The following ZNF850 variants were observed in gnomAD, a reference collection of about 807,000 sequenced individuals.
ZNF850 encodes putative zinc finger protein ENSP00000330994.
In ZNF850, 2 loss-of-function variants were observed where a neutral mutation model predicts 11.9. The ratio of observed to expected loss-of-function variants is 0.17; its 90% CI spans 0.07 to 0.53. ZNF850 has a LOEUF of 0.53. Among genes scored for constraint, ZNF850 ranks in the 20% least tolerant of loss-of-function variants. The pLI, the probability that ZNF850 is intolerant of heterozygous loss-of-function variation, is 0.94. For missense variants in ZNF850, 1,014 were observed against 1,316.4 expected (o/e 0.77, Z 3.55); for synonymous variants, 381 against 443.0 (o/e 0.86, Z 1.76).
At chr19:36,758,911 A>C (rs1047209342) in intron 4 of ZNF850, among the ~76,000 whole-genome samples, 1 of 88,214 alleles carries the variant, frequency 1.1e-5, no homozygotes. Context: ...ACCCCATCTC[A>C]ACTAAAAATA....
chr19:36,754,041 T>C (rs568011862), intron 4 of ZNF850, among the ~76,000 whole-genome samples: 4 of 151,854 alleles, frequency 2.6e-5, no homozygotes, highest in Non-Finnish European at 5.9e-5. Context: ...AGGTGGATTG[T>C]GCCTGTATTT....
intron 4 of ZNF850, among the ~76,000 whole-genome samples, chr19:36,759,903 A>G (rs1302932073): frequency 2.0e-5 from 3 of 152,098 alleles, no homozygotes; most frequent in Non-Finnish European, 2.9e-5. Context: ...TTACAGCCCA[A>G]TTTTTGTCCA....
At chr19:36,768,538 C>T (rs2040561851) in intron 1 of ZNF850, among the ~76,000 whole-genome samples, 1 of 152,066 alleles carries the variant, frequency 6.6e-6, no homozygotes, top group African/African-American at 2.4e-5. Flanking sequence ...TTCAAATTTC[C>T]CTATCTATGA....
Position 36,760,720 on chromosome 19 carries a change from CCAGTTGT to C in ZNF850, c.235+916_235+922del, listed in dbSNP as rs538224898. ...TCTCTACTGAAAATACAAAAAGTAG[CCAGTTGT>C]GGTGGTACATGCCTGTAGTCCCAGC... On this transcript the variant is annotated intron_variant, in intron 4 of 4. Coordinates refer to ENST00000591344, the MANE Select transcript of ZNF850 (RefSeq NM_001193552.2). Among the ~76,000 whole-genome samples, 28 of 151,850 alleles carry C rather than the reference CCAGTTGT, an allele frequency of 1.8e-4. No individual in the cohort carries two copies. In the South Asian group the frequency reaches 2.3e-3, roughly 12 times the overall value.
At chr19:36,752,338 A>T (rs971336830) in intron 4 of ZNF850, among the ~76,000 whole-genome samples, 6 of 152,140 alleles carry the variant, frequency 3.9e-5, no homozygotes, top group African/African-American at 1.4e-4. Context: ...CATATTAGAA[A>T]AGCAAAGAAG....
At chr19:36,764,728 T>A (rs1006315002) in intron 1 of ZNF850, among the ~76,000 whole-genome samples, 1 of 74,988 alleles carries the variant, frequency 1.3e-5, no homozygotes, top group Admixed American at 1.3e-4. Context: ...CCTTTCCCTT[T>A]TTTTTTTTTT....
intron 1 of ZNF850, among the ~76,000 whole-genome samples, chr19:36,771,496 T>TGAAGTGAAAGTTTGGCCCGGGACCAATC (rs2040583343): frequency 1.4e-3 from 36 of 25,076 alleles, no homozygotes; most frequent in Non-Finnish European, 1.9e-3. Context: ...CGGGACCAAT[T>TGAAGTGAAAGTTTGGCCCGGGACCAATC]AGGGGCTGAA....
intron 1 of ZNF850, among the ~76,000 whole-genome samples, chr19:36,764,211 T>C (rs1262203491): frequency 6.6e-6 from 1 of 152,112 alleles, no homozygotes; most frequent in Non-Finnish European, 1.5e-5. Flanking sequence ...TGCCACTGCA[T>C]TCCAGCCTGT....
rs1051673730 is a variant in ZNF850, at chr19:36,748,106, G to A, written c.2934C>T (p.Asp978=). The change falls in exon 5 of 5, where the codon GAC becomes GAT. Residue 978 remains aspartate (D), a synonymous_variant. Transcript: ENST00000591344. The stretch of plus-strand genomic sequence containing the variant: ...CACATTCTTTACATTCATAAGGTCT[G>A]TCACCGGTATGAATTCTCTGATGTA... The part of the protein sequence containing the change: ...LTLHQRIHTG[D]RPYECKECGK... 4.5e-6 allele frequency: 7 copies of A among 1,548,772 alleles called. No individual in the cohort carries two copies. The African/African-American group carries it at 9.7e-5, about 21-fold the overall frequency.
chr19:36,761,592 G>T, intron 4 of ZNF850, 51 bp downstream of exon 4: 3 of 1,078,304 alleles, frequency 2.8e-6, no homozygotes, highest in Non-Finnish European at 4.1e-6. Flanking sequence ...CTCCCTGACA[G>T]GCTGGCTTCT....
intron 1 of ZNF850, among the ~76,000 whole-genome samples, chr19:36,764,701 G>A (rs1328202710): frequency 2.0e-5 from 3 of 148,250 alleles, no homozygotes; most frequent in African/African-American, 7.4e-5. Context: ...CTAACAAGCT[G>A]TGATTTTCTT....
At position 36,748,690 on chromosome 19, in the gene ZNF850, G is replaced by C. The variant is rs1428922237; in HGVS notation, c.2350C>G (p.Leu784Val). The C allele has an allele frequency of 6.5e-7, 1 of 1,538,206 alleles. No homozygotes were observed. The change falls in exon 5 of 5, where the codon CTC becomes GTC. Residue 784 changes from leucine to valine, a missense_variant. Physicochemically the swap from Leu to Val is conservative, Grantham distance 32. This residue lies in a region of ZNF850 where 835 missense variants were observed against 1,022.0 expected (regional missense o/e 0.82). Coordinates refer to ENST00000591344, the MANE Select transcript of ZNF850 (RefSeq NM_001193552.2). ...TTCCCACATTCCTTACAATCATAGAGCTTCTCACCAGTGTGTATTTGCTGA... is the reference window on the plus strand; with the variant it reads ...TTCCCACATTCCTTACAATCATAGACCTTCTCACCAGTGTGTATTTGCTGA... ...QHQQIHTGEK[L>V]YDCKECGKSF...
rs567943938 is a variant in ZNF850 at position 36,749,393 on chromosome 19, A to T, written c.1647T>A (p.Ile549=). The change falls in exon 5 of 5, where the codon ATT becomes ATA. Residue 549 remains isoleucine, a synonymous_variant. Transcript: ENST00000591344. Reference sequence around the variant, plus strand: ...CACCAGTGTGAACTGCCTGATGTCCAATTAGCCCTGAGCGAAAAGTAAAAG... The same window carrying T: ...CACCAGTGTGAACTGCCTGATGTCCTATTAGCCCTGAGCGAAAAGTAAAAG... ...GKSFTFRSGL[I]GHQAVHTGEK... is the part of the protein sequence containing the mutation. The T allele has an allele frequency of 2.6e-5, 41 of 1,549,364 alleles. No homozygotes were observed. The highest frequency in any genetic ancestry group is 1.7e-4 in the Middle Eastern group (1 of 6,004).
intron 1 of ZNF850, among the ~76,000 whole-genome samples, chr19:36,767,673 G>A (rs1403271516): frequency 1.3e-5 from 2 of 152,122 alleles, no homozygotes. Flanking sequence ...AGATTACAGT[G>A]AGCTGAGATC....
Position 36,747,683 on chromosome 19 carries a change from A to G in ZNF850, c.*84T>C, listed in dbSNP as rs2040420655. 7.8e-7 allele frequency: 1 copy of G among 1,289,434 alleles called. No homozygotes were observed. The highest frequency in any genetic ancestry group is 2.9e-5 in the Admixed American group (1 of 34,656). 79.9% of individuals were successfully genotyped at this position (1,289,434 alleles called of 1,614,324 possible). A position where few individuals can be genotyped will look rare whatever the true frequency, so the allele number is the denominator to read the frequency against. ...ATTCTGGAAAAAGTGAATATGAAGT[A>G]ATACACATCCATTGTATTTGACCCA... On this transcript the variant is annotated 3_prime_UTR_variant, in exon 5 of 5. Transcript: ENST00000591344.
At position 36,749,827 on chromosome 19, in the gene ZNF850, G is replaced by C; in HGVS notation, c.1213C>G (p.Arg405Gly). 2 of 1,562,384 alleles carry C rather than the reference G, an allele frequency of 1.3e-6. No homozygotes were observed. Among genetic ancestry groups the C allele is most frequent in the Non-Finnish European group, 1.7e-6 (2 of 1,158,234 alleles). ...CKECGKSFTF[R>G]SGLIGHQAIH... ...GCCTGGTGTCCAATTAACCCTGAGC[G>C]AAAAGTAAAAGATTTCCCACATTCC... The change falls in exon 5 of 5, where the codon CGC becomes GGC. Residue 405 changes from arginine (R) to glycine (G), a missense_variant. Arg to Gly is a moderately radical substitution (Grantham distance 125, BLOSUM62 -2). This residue lies in a region of ZNF850 where 835 missense variants were observed against 1,022.0 expected (regional missense o/e 0.82). Coordinates refer to ENST00000591344, the MANE Select transcript of ZNF850 (RefSeq NM_001193552.2).
chr19:36,752,920 T>C (rs1264946466), intron 4 of ZNF850, among the ~76,000 whole-genome samples: 1 of 152,150 alleles, frequency 6.6e-6, no homozygotes, highest in Non-Finnish European at 1.5e-5. Flanking sequence ...TCAGAAGTGA[T>C]GAGGTTTTCT....
intron 1 of ZNF850, among the ~76,000 whole-genome samples, chr19:36,767,952 C>T (rs2040558322): frequency 6.6e-6 from 1 of 152,162 alleles, no homozygotes; most frequent in African/African-American, 2.4e-5. Context: ...TACACTGAGA[C>T]ACTTCTGCTA....
Position 36,748,157 on chromosome 19 carries a change from G to A in ZNF850, c.2883C>T (p.Ser961=), listed in dbSNP as rs2040424733. The part of the protein sequence containing the change: ...KPYECKTCGK[S]FRQRTHLTLH... ...GAGTAAGGTGTGTACGCTGTCTGAA[G>A]GACTTCCCACATGTCTTACATTCAT... The change falls in exon 5 of 5, where the codon TCC becomes TCT. Residue 961 remains serine (S), a synonymous_variant. Transcript: ENST00000591344. The A allele has an allele frequency of 6.4e-7, 1 of 1,551,772 alleles. No individual in the cohort carries two copies. Among genetic ancestry groups the A allele is most frequent in the African/African-American group, 1.4e-5 (1 of 73,048 alleles).
Sources: allele counts gnomAD v4.1 joint callset (sites outside exome capture counted in the v4.1 genomes callset), GRCh38; gene constraint gnomAD v4.1.1; regional missense constraint gnomAD v4.1.1; transcripts MANE v1.5; gene names NCBI Gene and HGNC (gene_info 2026-07-23, HGNC 2026-07-21).